Variants in CLECL1 observed in about 807,000 individuals in gnomAD.
The protein encoded by CLECL1 is C-type lectin like 1, also known as C-type lectin-like domain family 1.
intron 2 of CLECL1, among the ~76,000 whole-genome samples, chr12:9,728,748 C>T (rs1866411121): frequency 6.6e-6 from 1 of 151,900 alleles, no homozygotes; most frequent in Admixed American, 6.6e-5. Flanking sequence ...CTAATTATGC[C>T]ATTGGCTAGT....
chr12:9,712,808 A>G (rs1284559782), downstream of CLECL1, among the ~76,000 whole-genome samples: 2 of 152,212 alleles, frequency 1.3e-5, no homozygotes, highest in African/African-American at 4.8e-5. Context: ...ATAGAATTAC[A>G]TAAAGCTTTT....
intron 2 of CLECL1, among the ~76,000 whole-genome samples, chr12:9,717,428 T>C (rs10772073): frequency 0.29 from 44,454 of 152,136 alleles, 7,003 homozygotes; most frequent in South Asian, 0.46. Context: ...ATCAATGACT[T>C]GCAGTAGTTT....
chr12:9,715,460 C>T (rs1458303136), downstream of CLECL1, among the ~76,000 whole-genome samples: 2 of 152,182 alleles, frequency 1.3e-5, no homozygotes, highest in East Asian at 1.9e-4. Context: ...TCCTGGATTA[C>T]ATACTTTGTA....
chr12:9,724,660 G>A (rs1866357205), intron 3 of CLECL1, among the ~76,000 whole-genome samples: 1 of 152,132 alleles, frequency 6.6e-6, no homozygotes, highest in Non-Finnish European at 1.5e-5. Flanking sequence ...GAAGAAAAAT[G>A]TTGGATAATT....
chr12:9,718,287 G>A (rs764000048), downstream of CLECL1, among the ~76,000 whole-genome samples: 32 of 152,028 alleles, frequency 2.1e-4, no homozygotes, highest in Non-Finnish European at 2.8e-4. Context: ...ATTCCCTGTC[G>A]TATAGAGTTT....
intron 2 of CLECL1, among the ~76,000 whole-genome samples, chr12:9,728,481 G>C (rs543800984): frequency 1.3e-5 from 2 of 151,808 alleles, no homozygotes; most frequent in South Asian, 2.1e-4. Flanking sequence ...TAGTGATGTA[G>C]CTGGGATTTG....
At chr12:9,716,753 C>T in exon 3 of CLECL1, 3 of 1,275,844 alleles carry the variant, frequency 2.4e-6, no homozygotes, top group African/African-American at 1.5e-5. Context: ...CTTCTATATG[C>T]ATATGTCAAA....
intron 3 of CLECL1, among the ~76,000 whole-genome samples, chr12:9,724,613 A>G (rs1214153247): frequency 6.6e-6 from 1 of 152,212 alleles, no homozygotes; most frequent in Admixed American, 6.5e-5. Context: ...AAGATTTAAC[A>G]GGAAAACAAG....
chr12:9,722,741 T>C (rs1866329648), exon 4 of CLECL1: 1 of 1,613,818 alleles, frequency 6.2e-7, no homozygotes, highest in Non-Finnish European at 8.5e-7. Context: ...AGCAATCCAG[T>C]AACATTTTCC....
the CLECL1 span, chr12:9,709,477 A>C: frequency 2.0e-5 from 3 of 152,252 alleles, no homozygotes; most frequent in Non-Finnish European, 4.4e-5. Flanking sequence ...ATTAAGGAGG[A>C]TATTGACAGG....
the CLECL1 span, among the ~76,000 whole-genome samples, chr12:9,704,466 G>C: frequency 6.6e-6 from 1 of 152,068 alleles, no homozygotes; most frequent in Non-Finnish European, 1.5e-5. Flanking sequence ...TGTTACATAG[G>C]TAAACACATG....
At chr12:9,727,519 T>C (rs747597750) in intron 3 of CLECL1, among the ~76,000 whole-genome samples, 82 of 151,772 alleles carry the variant, frequency 5.4e-4, no homozygotes, top group Non-Finnish European at 6.5e-4. Flanking sequence ...AAGGCTACTA[T>C]TCATGCTTGG....
chr12:9,725,779 A>G (rs1866372334), intron 3 of CLECL1, among the ~76,000 whole-genome samples: 1 of 152,086 alleles, frequency 6.6e-6, no homozygotes. Context: ...CTTTCTTTGT[A>G]AGAAATGAGG....
intron 1 of CLECL1, among the ~76,000 whole-genome samples, chr12:9,731,119 G>A (rs867209394): frequency 6.6e-5 from 10 of 152,132 alleles, no homozygotes; most frequent in South Asian, 4.1e-4. Flanking sequence ...TAAGATTTAA[G>A]CAAAGCATAA....
chr12:9,717,319 C>G (rs144240327), intron 2 of CLECL1, among the ~76,000 whole-genome samples: 1 of 152,112 alleles, frequency 6.6e-6, no homozygotes, highest in Admixed American at 6.5e-5. Flanking sequence ...GCAGAAACCC[C>G]GTAGTAGTCC....
chr12:9,712,134 T>G (rs1410618285), downstream of CLECL1, among the ~76,000 whole-genome samples: 1 of 152,206 alleles, frequency 6.6e-6, no homozygotes, highest in Non-Finnish European at 1.5e-5. Context: ...TAAAGATATA[T>G]CTACCTTAAA....
downstream of CLECL1, among the ~76,000 whole-genome samples, chr12:9,722,148 T>A (rs1866320971): frequency 6.6e-6 from 1 of 152,154 alleles, no homozygotes; most frequent in Admixed American, 6.5e-5. Flanking sequence ...ACTGAGAAGG[T>A]TTAAAATAGT....
intron 3 of CLECL1, among the ~76,000 whole-genome samples, chr12:9,726,651 GGT>G (rs1354254439): frequency 6.6e-6 from 1 of 151,784 alleles, no homozygotes; most frequent in Non-Finnish European, 1.5e-5. Flanking sequence ...ATTTAGATTT[GGT>G]GTACTTTCCT....
At chr12:9,713,485 G>T (rs1311396325), downstream of CLECL1, among the ~76,000 whole-genome samples, 1 of 152,224 alleles carries the variant, frequency 6.6e-6, no homozygotes, top group African/African-American at 2.4e-5. Context: ...CTGGTTTCGG[G>T]CCTGGTGCTG....
Sources: gnomAD v4.1 joint callset for allele counts (sites outside exome capture counted in the v4.1 genomes callset) on GRCh38, gnomAD v4.1.1 for gene constraint, MANE v1.5 for transcripts, NCBI Gene and HGNC (gene_info 2026-07-23, HGNC 2026-07-21) for gene names.